Variants in LIPT1 observed in about 807,000 individuals in gnomAD.
LIPT1 encodes lipoyltransferase 1, also known as lipoyl amidotransferase LIPT1, mitochondrial.
LIPT1 carries 22 observed loss-of-function variants against 25.1 expected under a neutral mutation model. The ratio of observed to expected loss-of-function variants is 0.88; its 90% confidence interval spans 0.63 to 1.25. The LOEUF (loss-of-function observed/expected upper bound fraction) is 1.25. LIPT1 is among the 50% of genes most tolerant of loss of function. LIPT1 has a pLI of 0.00. For synonymous variants in LIPT1, 131 were observed against 150.8 expected (o/e 0.87, Z 0.96); for missense variants, 399 against 432.8 (o/e 0.92, Z 0.69).
At position 99,162,720 on chromosome 2, in the gene LIPT1, C is replaced by T. The variant is rs765798014; in HGVS notation, c.763C>T (p.Leu255=). The T allele has an allele frequency of 9.9e-6, 16 of 1,614,150 alleles. No homozygotes were observed. The South Asian group carries it at 1.4e-4, about 14-fold the overall frequency. The part of the protein sequence containing the change: ...IHLINPTDET[L]FPGINSKAKE... ...CCTAATAAACCCAACGGATGAGACA[C>T]TGTTTCCTGGAATAAATAGCAAAGC... The change falls in exon 2 of 2, where the codon CTG becomes TTG. Residue 255 remains leucine (L), a synonymous_variant. Coordinates refer to ENST00000651691, the MANE Select transcript of LIPT1 (RefSeq NM_145199.3).
chr2:99,161,677 G>GAA, intron 1 of LIPT1: 4 of 241,784 alleles, frequency 1.7e-5, no homozygotes, highest in South Asian at 8.3e-5. Flanking sequence ...GTCTGTAAGA[G>GAA]AAAAAAAAAA....
In LIPT1 at chr2:99,163,120, A is replaced by G. The variant is rs765445163; in HGVS notation, c.*41A>G. The G allele has an allele frequency of 7.9e-6, 11 of 1,385,132 alleles. No homozygotes were observed. Among genetic ancestry groups the G allele is most frequent in the Non-Finnish European group, 5.8e-6 (6 of 1,035,536 alleles). 85.8% of individuals were successfully genotyped at this position (1,385,132 alleles called of 1,614,324 possible). A position where few individuals can be genotyped will look rare whatever the true frequency, so the allele number is the denominator to read the frequency against. ...TTAATACAGTTTCAATTAGAAAATA[A>G]AATGTCTCATACTTGCACATTGTAT... On this transcript the variant is annotated 3_prime_UTR_variant, in exon 2 of 2. Transcript: ENST00000651691.
Position 99,162,973 on chromosome 2 carries a change from C to T in LIPT1, c.1016C>T (p.Thr339Ile), listed in dbSNP as rs754342753. The T allele has an allele frequency of 6.2e-7, 1 of 1,613,752 alleles. No homozygotes were observed. The highest frequency in any genetic ancestry group is 1.1e-5 in the South Asian group (1 of 91,024). ...SSLIGSKFCP[T>I]ETTMLTNILL... is the part of the protein sequence containing the mutation. ...CTTATTGGCAGTAAGTTTTGCCCAA[C>T]TGAAACTACCATGCTAACAAATATA... Residue 339 changes from threonine to isoleucine, a missense_variant, in exon 2 of 2, where the codon ACT becomes ATT. Transcript: ENST00000651691.
intron 1 of LIPT1, chr2:99,156,281 T>G (rs1472916853): frequency 1.3e-5 from 2 of 152,132 alleles, no homozygotes; most frequent in African/African-American, 4.8e-5. Flanking sequence ...CTTTATCAGC[T>G]CTACATTTTT....
chr2:99,156,212 T>G (rs562528329), intron 1 of LIPT1: 4 of 152,374 alleles, frequency 2.6e-5, no homozygotes, highest in African/African-American at 9.6e-5. Context: ...AGGCTTAGCC[T>G]AACAACCCTA....
At position 99,162,524 on chromosome 2, in the gene LIPT1, G is replaced by C; in HGVS notation, c.567G>C (p.Leu189Phe). Residue 189 changes from leucine to phenylalanine, a missense_variant, in exon 2 of 2, where the codon TTG becomes TTC. Physicochemically the swap from Leu to Phe is conservative, Grantham distance 22 (BLOSUM62 0). Transcript: ENST00000651691. ...TATGTAGTACTGATGGGACGTTCTTGTCTTCTTTGCTAAAGAGCCCTTACC... is the reference window on the plus strand; with the variant it reads ...TATGTAGTACTGATGGGACGTTCTTCTCTTCTTTGCTAAAGAGCCCTTACC... ...TLLCSTDGTF[L>F]SSLLKSPYQG... 1 of 1,614,136 alleles carries C rather than the reference G, an allele frequency of 6.2e-7. No individual in the cohort carries two copies. The highest frequency in any genetic ancestry group is 8.5e-7 in the Non-Finnish European group (1 of 1,180,026).
At chr2:99,155,135 T>C in intron 1 of LIPT1, 84 bp downstream of exon 1, 1 of 444,640 alleles carries the variant, frequency 2.2e-6, no homozygotes, top group Non-Finnish European at 4.5e-6. Flanking sequence ...GCGCGCGGTG[T>C]TTCTGGCGGT....
chr2:99,155,772 T>C (rs756982018), intron 1 of LIPT1, among the ~76,000 whole-genome samples: 2 of 152,148 alleles, frequency 1.3e-5, no homozygotes, highest in Non-Finnish European at 2.9e-5. Flanking sequence ...GCCAGATGAA[T>C]CCACGCCTTC....
chr2:99,155,538 A>G (rs1434363211), intron 1 of LIPT1: 4 of 454,728 alleles, frequency 8.8e-6, no homozygotes, highest in Non-Finnish European at 1.8e-5. Context: ...TCCCAAGAAC[A>G]TGGAAGGTAA....
chr2:99,160,967 C>A (rs991835355), intron 1 of LIPT1, among the ~76,000 whole-genome samples: 7 of 151,820 alleles, frequency 4.6e-5, no homozygotes, highest in Non-Finnish European at 1.0e-4. Context: ...AAAGCTGATG[C>A]AAAATAGATT....
rs1559171177 is a variant in LIPT1 at position 99,162,330 on chromosome 2, G to A, written c.373G>A (p.Asp125Asn). The change falls in exon 2 of 2, where the codon GAT (aspartate) becomes AAT (asparagine). Residue 125 changes from aspartate (D) to asparagine (N), a missense_variant. Physicochemically the swap from Asp to Asn is conservative, Grantham distance 23. Transcript: ENST00000651691. ...LTFFTTKKKY[D>N]RMENLKLIVR... ...TTTCTTTACAACCAAAAAAAAGTATGATAGAATGGAAAATCTGAAATTAAT... is the reference window on the plus strand; with the variant it reads ...TTTCTTTACAACCAAAAAAAAGTATAATAGAATGGAAAATCTGAAATTAAT... The A allele has an allele frequency of 4.3e-6, 7 of 1,613,490 alleles. No homozygotes were observed. Among genetic ancestry groups the A allele is most frequent in the Non-Finnish European group, 5.1e-6 (6 of 1,179,962 alleles).
intron 1 of LIPT1, chr2:99,155,356 A>G: frequency 7.7e-6 from 3 of 389,734 alleles, no homozygotes; most frequent in East Asian, 1.4e-4. Flanking sequence ...ACACGACCGT[A>G]ATGAGATTCT....
chr2:99,161,126 G>A (rs2093783766), intron 1 of LIPT1, among the ~76,000 whole-genome samples: 2 of 150,660 alleles, frequency 1.3e-5, no homozygotes, highest in South Asian at 2.1e-4. Context: ...TTAGCCACAC[G>A]TGGTGGCAGG....
chr2:99,157,052 T>C (rs2093760919), intron 1 of LIPT1, among the ~76,000 whole-genome samples: 1 of 152,242 alleles, frequency 6.6e-6, no homozygotes, highest in East Asian at 1.9e-4. Flanking sequence ...TTTTATGACG[T>C]CTGAGGCCAC....
rs1474854128 is a variant in LIPT1 at position 99,162,232 on chromosome 2, A to G, written c.275A>G (p.Glu92Gly). 3 of 1,613,974 alleles carry G rather than the reference A, an allele frequency of 1.9e-6. No homozygotes were observed. The highest frequency in any genetic ancestry group is 4.5e-5 in the East Asian group (2 of 44,882). Residue 92 changes from glutamate to glycine, a missense_variant, in exon 2 of 2, where the codon GAA (glutamate) becomes GGA (glycine). By Grantham distance (98) the Glu-to-Gly change is moderately conservative. Transcript: ENST00000651691. ...QECNLNLMRE[E>G]GIKLARRRSG... Reference sequence around the variant, plus strand: ...TGTAACCTGAATCTAATGAGAGAAGAAGGTATAAAACTGGCTCGGAGAAGA... The same window carrying G: ...TGTAACCTGAATCTAATGAGAGAAGGAGGTATAAAACTGGCTCGGAGAAGA...
intron 1 of LIPT1, chr2:99,161,332 A>G (rs2093790705): frequency 8.9e-6 from 1 of 112,656 alleles, no homozygotes; most frequent in Non-Finnish European, 1.8e-5. Context: ...ATATATATAT[A>G]TATATAGATT....
At chr2:99,155,696 T>C (rs1221543174) in intron 1 of LIPT1, among the ~76,000 whole-genome samples, 1 of 152,208 alleles carries the variant, frequency 6.6e-6, no homozygotes, top group East Asian at 1.9e-4. Context: ...TGAAATACCG[T>C]GCATTACTCA....
At position 99,162,844 on chromosome 2, in the gene LIPT1, TTAAAG is replaced by T. The variant is rs775102586; in HGVS notation, c.890_894del (p.Lys297IlefsTer10). Reference sequence around the variant, plus strand: ...TTATATGAACAGTCACACTTGGAAATTAAAGTATTCATAGACATAAAGAATGGAAG... The same window carrying T: ...TTATATGAACAGTCACACTTGGAAATTATTCATAGACATAAAGAATGGAAG... On this transcript the variant is annotated frameshift_variant, in exon 2 of 2. Coordinates refer to ENST00000651691, the MANE Select transcript of LIPT1 (RefSeq NM_145199.3). LOFTEE classifies it high-confidence loss of function. 5 of 1,613,618 alleles carry T rather than the reference TTAAAG, an allele frequency of 3.1e-6. No individual in the cohort carries two copies. The highest frequency in any genetic ancestry group is 2.2e-5 in the East Asian group (1 of 44,866).
chr2:99,155,642 G>A (rs2093744490), intron 1 of LIPT1: 1 of 427,424 alleles, frequency 2.3e-6, no homozygotes, highest in South Asian at 1.7e-5. Flanking sequence ...AATTTAACCA[G>A]AACTTCAAAG....
Sources: allele counts gnomAD v4.1 joint callset (sites outside exome capture counted in the v4.1 genomes callset), GRCh38; gene constraint gnomAD v4.1.1; transcripts MANE v1.5; gene names NCBI Gene and HGNC (gene_info 2026-07-23, HGNC 2026-07-21).